KHDRBS2: variants seen among roughly 807,000 people sequenced by gnomAD.
KHDRBS2 encodes KH domain-containing, RNA-binding, signal transduction-associated protein 2.
KHDRBS2 carries 26 observed loss-of-function variants against 44.3 expected under a neutral mutation model. The ratio of observed to expected loss-of-function variants is 0.59; its 90% CI spans 0.43 to 0.81. KHDRBS2 has a LOEUF of 0.81. Among genes scored for constraint, KHDRBS2 ranks in the 40% least tolerant of loss-of-function variants. The pLI is 0.00. For missense variants in KHDRBS2, 476 were observed against 433.1 expected (o/e 1.10, Z -0.88); for synonymous variants, 194 against 151.1 (o/e 1.28, Z -2.08).
chr6:62,021,921 TG>T (rs1782401546), intron 3 of KHDRBS2, among the ~76,000 whole-genome samples: 1 of 87,044 alleles, frequency 1.1e-5, no homozygotes, highest in African/African-American at 4.3e-5. Context: ...AAAGGTTTTT[TG>T]TGTATATATA....
At chr6:61,702,392 C>A (rs1288012042) in intron 7 of KHDRBS2, among the ~76,000 whole-genome samples, 1 of 151,928 alleles carries the variant, frequency 6.6e-6, no homozygotes, top group Non-Finnish European at 1.5e-5. Context: ...GCCCACCTAC[C>A]TGCCCTAGCC....
intron 6 of KHDRBS2, among the ~76,000 whole-genome samples, chr6:61,876,925 A>G (rs1186205175): frequency 6.6e-6 from 1 of 152,186 alleles, no homozygotes; most frequent in East Asian, 1.9e-4. Context: ...GATATCTGTC[A>G]TGAGACCCAA....
intron 2 of KHDRBS2, among the ~76,000 whole-genome samples, chr6:62,173,458 C>T (rs1438590313): frequency 6.6e-6 from 1 of 151,818 alleles, no homozygotes; most frequent in Admixed American, 6.6e-5. Context: ...GACTACCAAC[C>T]AGAAAAAGCC....
At chr6:62,208,611 T>C (rs1828458173) in intron 1 of KHDRBS2, among the ~76,000 whole-genome samples, 1 of 152,150 alleles carries the variant, frequency 6.6e-6, no homozygotes, top group African/African-American at 2.4e-5. Flanking sequence ...GGGGGCTTGC[T>C]GGTTAGTATA....
At chr6:61,591,767 G>A in the KHDRBS2 span, among the ~76,000 whole-genome samples, 1 of 152,138 alleles carries the variant, frequency 6.6e-6, no homozygotes, top group African/African-American at 2.4e-5. Flanking sequence ...CCACAGCCCT[G>A]CTCTTTCTTT....
intron 6 of KHDRBS2, among the ~76,000 whole-genome samples, chr6:61,840,488 A>C (rs1231283578): frequency 6.6e-6 from 1 of 152,130 alleles, no homozygotes; most frequent in Non-Finnish European, 1.5e-5. Context: ...TAATCAAATA[A>C]AAGTAAGTGG....
intron 7 of KHDRBS2, among the ~76,000 whole-genome samples, chr6:61,703,326 A>C (rs1582255340): frequency 6.6e-6 from 1 of 151,976 alleles, no homozygotes; most frequent in East Asian, 1.9e-4. Context: ...TTATGGTTTA[A>C]ACACGAGCTT....
chr6:62,009,633 G>A (rs1779919303), intron 3 of KHDRBS2, among the ~76,000 whole-genome samples: 1 of 152,114 alleles, frequency 6.6e-6, no homozygotes, highest in African/African-American at 2.4e-5. Context: ...CAGGCCCAGG[G>A]TCCCCAAGCT....
chr6:61,915,336 C>T (rs1412137789), intron 4 of KHDRBS2, among the ~76,000 whole-genome samples: 1 of 151,874 alleles, frequency 6.6e-6, no homozygotes, highest in Non-Finnish European at 1.5e-5. Context: ...TAGTTTTGTC[C>T]CTGTGAACAA....
intron 7 of KHDRBS2, among the ~76,000 whole-genome samples, chr6:61,707,727 G>A (rs1562000923): frequency 6.6e-6 from 1 of 151,660 alleles, no homozygotes; most frequent in Non-Finnish European, 1.5e-5. Context: ...GTAGATAGAA[G>A]TGAAGTTATA....
intron 7 of KHDRBS2, among the ~76,000 whole-genome samples, chr6:61,725,922 G>A (rs568663426): frequency 2.6e-4 from 39 of 152,046 alleles, no homozygotes; most frequent in Admixed American, 1.7e-3. Context: ...AATTGAAAAG[G>A]AGGGACTCCT....
At chr6:62,079,764 T>A (rs1042630313) in intron 2 of KHDRBS2, among the ~76,000 whole-genome samples, 4 of 152,062 alleles carry the variant, frequency 2.6e-5, no homozygotes, top group African/African-American at 9.7e-5. Context: ...AGAGGGAGGA[T>A]GAAAGGACAG....
intron 2 of KHDRBS2, among the ~76,000 whole-genome samples, chr6:62,154,292 T>C (rs1389778883): frequency 6.6e-6 from 1 of 152,182 alleles, no homozygotes; most frequent in African/African-American, 2.4e-5. Context: ...GATAGCTCCC[T>C]TTCCCATCCC....
chr6:61,594,222 A>G, the KHDRBS2 span, among the ~76,000 whole-genome samples: 1 of 146,996 alleles, frequency 6.8e-6, no homozygotes, highest in African/African-American at 2.5e-5. Flanking sequence ...AAAAGAAAAC[A>G]TTAAAAAATG....
chr6:62,058,360 T>C (rs569270687), intron 2 of KHDRBS2, among the ~76,000 whole-genome samples: 22 of 151,896 alleles, frequency 1.4e-4, no homozygotes, highest in African/African-American at 3.6e-4. Context: ...GTCCTAACAA[T>C]TGAAAATATT....
At chr6:61,632,490 T>A in the KHDRBS2 span, among the ~76,000 whole-genome samples, 1 of 152,144 alleles carries the variant, frequency 6.6e-6, no homozygotes, top group African/African-American at 2.4e-5. Context: ...TAGTTCATCC[T>A]AACAAATAAG....
At chr6:61,628,659 G>C in the KHDRBS2 span, among the ~76,000 whole-genome samples, 1 of 152,138 alleles carries the variant, frequency 6.6e-6, no homozygotes, top group Admixed American at 6.6e-5. Flanking sequence ...CATCTCTGCT[G>C]TGTGTCTTTT....
At chr6:62,169,335 T>A (rs1386787178) in intron 2 of KHDRBS2, among the ~76,000 whole-genome samples, 3 of 151,546 alleles carry the variant, frequency 2.0e-5, no homozygotes, top group Non-Finnish European at 4.4e-5. Flanking sequence ...TACATGAATG[T>A]CTTAGGAATA....
the KHDRBS2 span, among the ~76,000 whole-genome samples, chr6:61,602,771 C>T: frequency 6.6e-6 from 1 of 152,116 alleles, no homozygotes; most frequent in African/African-American, 2.4e-5. Flanking sequence ...GGCTTCTAAA[C>T]CTCTTAAAAC....
Sources: gnomAD v4.1 joint callset for allele counts (sites outside exome capture counted in the v4.1 genomes callset) on GRCh38, gnomAD v4.1.1 for gene constraint, MANE v1.5 for transcripts, NCBI Gene and HGNC (gene_info 2026-07-23, HGNC 2026-07-21) for gene names.